Variants in QRSL1 observed in about 807,000 individuals in gnomAD.
QRSL1 encodes glutamyl-tRNA(Gln) amidotransferase subunit A, mitochondrial.
In QRSL1, 54 loss-of-function variants were observed where a neutral mutation model predicts 61.6. The observed-to-expected ratio is 0.88, with a 90% CI of 0.70 to 1.10. QRSL1 has a LOEUF of 1.10. Among genes scored for constraint, QRSL1 ranks in the 50% least tolerant of loss-of-function variants. QRSL1 has a pLI of 0.00. For missense variants in QRSL1, 505 were observed against 622.6 expected (o/e 0.81, Z 2.01); for synonymous variants, 228 against 225.7 (o/e 1.01, Z -0.09).
chr6:106,632,749 A>G (rs779580984), intron 1 of QRSL1, among the ~76,000 whole-genome samples: 14 of 152,162 alleles, frequency 9.2e-5, no homozygotes, highest in Non-Finnish European at 1.9e-4. Context: ...TGCCATTTAT[A>G]TGTCTTTCTT....
Position 106,635,503 on chromosome 6 carries a change from TACCCATCACTGGAAC to T in QRSL1, c.25-4843_25-4829del, listed in dbSNP as rs376151902. On this transcript the variant is annotated intron_variant, in intron 1 of 10. Transcript: ENST00000369046. ...TGGACTGTGTTAAAGAGAGGATGAG[TACCCATCACTGGAAC>T]ACTCAGCCCTCAAGAGCTCTCCTGT... Among the ~76,000 whole-genome samples, 513 of 152,196 alleles carry T rather than the reference TACCCATCACTGGAAC, an allele frequency of 3.4e-3. 5 individuals carry two copies. Among genetic ancestry groups the T allele is most frequent in the African/African-American group, 0.012 (481 of 41,532 alleles).
chr6:106,640,592 C>A, intron 2 of QRSL1, 84 bp downstream of exon 2: 1 of 1,260,598 alleles, frequency 7.9e-7, no homozygotes, highest in South Asian at 1.6e-5. Flanking sequence ...GCAAGTGAAG[C>A]TTTAAACATA....
At chr6:106,643,227 A>G (rs1777050843) in intron 4 of QRSL1, 137 bp downstream of exon 4, 1 of 622,322 alleles carries the variant, frequency 1.6e-6, no homozygotes, top group African/African-American at 1.9e-5. Context: ...GTTGTTTAAT[A>G]GATATATAGT....
In QRSL1 at chr6:106,652,497, C is replaced by G. The variant is rs1023817489; in HGVS notation, c.764C>G (p.Ser255Cys). 1.2e-6 allele frequency: 2 copies of G among 1,614,212 alleles called. No individual in the cohort carries two copies. The highest frequency in any genetic ancestry group is 1.7e-6 in the Non-Finnish European group (2 of 1,180,042). ...GALAGPDPRD[S>C]TTVHEPINKP... Reference sequence around the variant, plus strand: ...CTGGCCGGACCTGACCCCAGGGACTCTACCACAGTACATGAACCTATTAAT... The same window carrying G: ...CTGGCCGGACCTGACCCCAGGGACTGTACCACAGTACATGAACCTATTAAT... The change falls in exon 7 of 11, where the codon TCT becomes TGT. Residue 255 changes from serine (S) to cysteine (C), a missense_variant. Ser to Cys is a moderately radical substitution (Grantham distance 112). Transcript: ENST00000369046.
chr6:106,641,111 T>G (rs186099746), intron 3 of QRSL1, among the ~76,000 whole-genome samples, 190 bp downstream of exon 3: 75 of 152,326 alleles, frequency 4.9e-4, no homozygotes, highest in Non-Finnish European at 9.3e-4. Flanking sequence ...TCAGCCAGCT[T>G]AATGAATGCT....
intron 3 of QRSL1, among the ~76,000 whole-genome samples, chr6:106,641,478 C>T (rs541518760): frequency 5.3e-5 from 8 of 152,136 alleles, no homozygotes; most frequent in Non-Finnish European, 2.9e-5. Flanking sequence ...TCTCTTGTAG[C>T]ACAGTATGGC....
intron 7 of QRSL1, chr6:106,652,825 T>G (rs371602124): frequency 1.4e-6 from 2 of 1,385,674 alleles, no homozygotes; most frequent in Non-Finnish European, 1.9e-6. Flanking sequence ...GTCTGTAAAT[T>G]GTTTCTGTAA....
chr6:106,661,902 G>A (rs764153750), intron 9 of QRSL1, among the ~76,000 whole-genome samples: 4 of 151,518 alleles, frequency 2.6e-5, no homozygotes, highest in Non-Finnish European at 4.4e-5. Context: ...GTAGAGATGG[G>A]GTTTCTCCAT....
intron 3 of QRSL1, chr6:106,642,718 G>A: frequency 2.7e-6 from 2 of 747,962 alleles, no homozygotes; most frequent in South Asian, 2.8e-5. Flanking sequence ...GAATGAATGT[G>A]CATATTGAGC....
At chr6:106,651,102 T>C (rs1389207477) in intron 5 of QRSL1, among the ~76,000 whole-genome samples, 1 of 152,182 alleles carries the variant, frequency 6.6e-6, no homozygotes, top group Admixed American at 6.5e-5. Flanking sequence ...GGTAACCACC[T>C]TCTACTTTGT....
At chr6:106,636,958 C>T (rs1455061732) in intron 1 of QRSL1, among the ~76,000 whole-genome samples, 1 of 152,186 alleles carries the variant, frequency 6.6e-6, no homozygotes, top group Non-Finnish European at 1.5e-5. Flanking sequence ...AACATAATCT[C>T]AGGATCTCAC....
At chr6:106,660,601 GTTC>G (rs1368110764) in intron 9 of QRSL1, among the ~76,000 whole-genome samples, 1 of 150,794 alleles carries the variant, frequency 6.6e-6, no homozygotes, top group East Asian at 1.9e-4. Flanking sequence ...GAGTGTCTTA[GTTC>G]TTTTTTTTTT....
At chr6:106,635,835 C>T (rs1368505599) in intron 1 of QRSL1, among the ~76,000 whole-genome samples, 2 of 151,198 alleles carry the variant, frequency 1.3e-5, no homozygotes, top group Non-Finnish European at 2.9e-5. Flanking sequence ...CGCACCACTG[C>T]ACTCCAGCCT....
Position 106,652,472 on chromosome 6 carries a change from C to G in QRSL1, c.739C>G (p.Leu247Val). The G allele has an allele frequency of 1.9e-6, 3 of 1,614,194 alleles. No individual in the cohort carries two copies. In the South Asian group the frequency reaches 3.3e-5, roughly 18 times the overall value. Residue 247 changes from leucine to valine, a missense_variant, in exon 7 of 11, where the codon CTG (leucine) becomes GTG (valine). By Grantham distance (32) the Leu-to-Val change is conservative. Transcript: ENST00000369046. The stretch of plus-strand genomic sequence containing the variant: ...ATAAGTATTGCTCCTTACAGGTGCA[C>G]TGGCCGGACCTGACCCCAGGGACTC... ...VDDAAIVLGALAGPDPRDSTT... is the reference protein window; with the variant it reads ...VDDAAIVLGAVAGPDPRDSTT...
In QRSL1 at chr6:106,641,048, A is replaced by G. The variant is rs1296803147; in HGVS notation, c.283+127A>G. On this transcript the variant is annotated intron_variant, in intron 3 of 10. Coordinates refer to ENST00000369046, the MANE Select transcript of QRSL1 (RefSeq NM_018292.5). ...TTGAAGGAAATATTTAGAATATAAT[A>G]TCATGTTTTTTTACTATTTGCTCTT... 5.8e-6 allele frequency: 4 copies of G among 687,112 alleles called. No individual in the cohort carries two copies. The South Asian group carries it at 1.1e-4, about 19-fold the overall frequency. 42.6% of individuals were successfully genotyped at this position (687,112 alleles called of 1,614,324 possible). A position where few individuals can be genotyped will look rare whatever the true frequency, so the allele number is the denominator to read the frequency against.
At position 106,667,994 on chromosome 6, in the gene QRSL1, G is replaced by C. The variant is rs886339303; in HGVS notation, c.*1992G>C. 1 of 151,956 alleles carries C rather than the reference G, an allele frequency of 6.6e-6. No individual in the cohort carries two copies. The highest frequency in any genetic ancestry group is 1.5e-5 in the Non-Finnish European group (1 of 68,004). The allele number at this position is 151,956 out of a possible 1,614,324, so 9.4% of individuals were successfully genotyped here. On this transcript the variant is annotated 3_prime_UTR_variant, in exon 11 of 11. Transcript: ENST00000369046. ...AGAGAGAGAGAGATGGGCTCTCCCT[G>C]TGTTGCCCAGGCTAGTCTCAAACTC... is the stretch of plus-strand genomic sequence containing the variant.
intron 5 of QRSL1, among the ~76,000 whole-genome samples, chr6:106,650,556 TTTA>T (rs1777176004): frequency 6.6e-6 from 1 of 151,792 alleles, no homozygotes; most frequent in Admixed American, 6.6e-5. Flanking sequence ...TTTTGATTTG[TTTA>T]CCCCTTTTTG....
intron 4 of QRSL1, among the ~76,000 whole-genome samples, chr6:106,644,766 C>T (rs1356764261): frequency 6.6e-6 from 1 of 152,118 alleles, no homozygotes; most frequent in African/African-American, 2.4e-5. Flanking sequence ...GTGATCTGCC[C>T]GCCTGGTCTC....
chr6:106,663,299 G>A, intron 10 of QRSL1, 114 bp downstream of exon 10: 1 of 921,116 alleles, frequency 1.1e-6, no homozygotes, highest in Non-Finnish European at 1.7e-6. Context: ...CTATCCTTTT[G>A]GAATGCTTAG....
Sources: allele counts gnomAD v4.1 joint callset (sites outside exome capture counted in the v4.1 genomes callset), GRCh38; gene constraint gnomAD v4.1.1; transcripts MANE v1.5; gene names NCBI Gene and HGNC (gene_info 2026-07-23, HGNC 2026-07-21).